Variants in EIF3A observed in about 807,000 individuals in gnomAD.
EIF3A encodes the protein EIF3, p180 subunit.
Under a neutral mutation model 186.6 loss-of-function variants are expected in EIF3A, and 21 were observed. That is an observed-to-expected ratio of 0.11 (90% CI 0.08 to 0.16). The LOEUF (loss-of-function observed/expected upper bound fraction) is 0.16, where lower values mean the gene tolerates loss of function less well. Among genes scored for constraint, EIF3A ranks in the 10% least tolerant of loss-of-function variants. The pLI, the probability that EIF3A is intolerant of heterozygous loss-of-function variation, is 1.00. For missense variants in EIF3A, 1,306 were observed against 1,796.3 expected, an observed-to-expected ratio of 0.73 and a Z score of 4.93; for synonymous variants, 563 against 584.3, an observed-to-expected ratio of 0.96 and a Z score of 0.52.
chr10:119,059,439 C>G, intron 10 of EIF3A, 42 bp from the exon 11 acceptor site: 1 of 1,435,972 alleles, frequency 7.0e-7, no homozygotes, highest in Admixed American at 2.2e-5. Context: ...CACAAGTAAG[C>G]ATGAAGTCAA....
intron 4 of EIF3A, 40 bp downstream of exon 4, chr10:119,072,850 T>C: frequency 1.3e-6 from 2 of 1,575,416 alleles, no homozygotes; most frequent in Non-Finnish European, 8.6e-7. Flanking sequence ...CCTCAGTCAA[T>C]TTCAAAGCAC....
At chr10:119,070,429 G>A (rs1193577238) in intron 5 of EIF3A, among the ~76,000 whole-genome samples, 2 of 152,074 alleles carry the variant, frequency 1.3e-5, no homozygotes, top group Non-Finnish European at 2.9e-5. Context: ...ACCTCTTACC[G>A]AAGAATATAA....
At chr10:119,053,702 A>C (rs1245101353) in intron 14 of EIF3A, among the ~76,000 whole-genome samples, 1 of 152,190 alleles carries the variant, frequency 6.6e-6, no homozygotes, top group Non-Finnish European at 1.5e-5. Flanking sequence ...CCTGGGTGAT[A>C]GAGTGAGACC....
In EIF3A at chr10:119,042,644, C is replaced by A. The variant is rs558278066; in HGVS notation, c.2876G>T (p.Arg959Leu). The change falls in exon 19 of 22, where the codon CGG (arginine) becomes CTG (leucine). Residue 959 changes from arginine to leucine, a missense_variant. By Grantham distance (102) the Arg-to-Leu change is moderately radical. This residue lies in a region of EIF3A where 410 missense variants were observed against 473.5 expected (regional missense o/e 0.87). Transcript: ENST00000369144. The surrounding 1 kb of genome is among the most constrained non-coding windows in gnomAD (Gnocchi z 7.8). ...SLRPDDDRVPRRGMDDDRGPR... is the reference protein window; with the variant it reads ...SLRPDDDRVPLRGMDDDRGPR... ...GCCTCTGTCATCATCCATGCCACGC[C>A]GGGGAACCCGATCATCGTCTGGTCT... 1 of 1,614,202 alleles carries A rather than the reference C, an allele frequency of 6.2e-7. No individual in the cohort carries two copies. Among genetic ancestry groups the A allele is most frequent in the Non-Finnish European group, 8.5e-7 (1 of 1,180,032 alleles).
intron 5 of EIF3A, among the ~76,000 whole-genome samples, chr10:119,070,355 T>G (rs1367804640): frequency 4.6e-5 from 7 of 152,198 alleles, no homozygotes; most frequent in African/African-American, 1.7e-4. Flanking sequence ...AAATCTAGAA[T>G]AATCTACAGC....
rs540973168 is a variant in EIF3A at position 119,060,389 on chromosome 10, T to G, written c.1326+357A>C. Among the ~76,000 whole-genome samples the G allele has an allele frequency of 2.6e-5, 4 of 152,042 alleles. No homozygotes were observed. In the South Asian group the frequency reaches 8.3e-4, roughly 32 times the overall value. ...ATAGAAGTATGCAAAGATACATGTA[T>G]GAAAGATGCTCAATGCTACAAGATT... On this transcript the variant is annotated intron_variant, in intron 9 of 21. Transcript: ENST00000369144.
chr10:119,044,942 C>T (rs1038525591), intron 17 of EIF3A, among the ~76,000 whole-genome samples: 4 of 140,520 alleles, frequency 2.8e-5, no homozygotes, highest in African/African-American at 1.1e-4. Flanking sequence ...ATTTTCTTTT[C>T]TTTTTTTTTT....
chr10:119,038,602 C>T (rs1848167444), intron 19 of EIF3A, among the ~76,000 whole-genome samples, 163 bp from the exon 20 acceptor site: 1 of 152,174 alleles, frequency 6.6e-6, no homozygotes, highest in African/African-American at 2.4e-5. Context: ...GCACAGACAT[C>T]ATTAACAGTA....
At chr10:119,051,393 T>C in intron 14 of EIF3A, 72 bp from the exon 15 acceptor site, 1 of 1,427,386 alleles carries the variant, frequency 7.0e-7, no homozygotes, top group Non-Finnish European at 9.3e-7. Context: ...TACTGAGAAA[T>C]ACTCTTGAAA....
In EIF3A at chr10:119,050,298, A is replaced by T. The variant is rs116421711; in HGVS notation, c.2473+223T>A. On this transcript the variant is annotated intron_variant, in intron 16 of 21. Coordinates refer to ENST00000369144, the MANE Select transcript of EIF3A (RefSeq NM_003750.4). Reference sequence around the variant, plus strand: ...TGTTAATACACAGAATACGGTGATTAAAAAAAGTATTAATTTCTAGAAGAA... The same window carrying T: ...TGTTAATACACAGAATACGGTGATTTAAAAAAGTATTAATTTCTAGAAGAA... 8.0e-3 allele frequency among the ~76,000 whole-genome samples: 1,217 copies of T among 152,324 alleles called. 12 individuals carry two copies. Among genetic ancestry groups the T allele is most frequent in the African/African-American group, 0.028 (1,146 of 41,566 alleles).
Position 119,068,670 on chromosome 10 carries a change from A to AAAAAT in EIF3A, c.950+771_950+775dup, listed in dbSNP as rs533054514. Among the ~76,000 whole-genome samples, 777 of 151,456 alleles carry AAAAAT rather than the reference A, an allele frequency of 5.1e-3. 7 individuals are homozygous for AAAAAT. The highest frequency in any genetic ancestry group is 0.018 in the African/African-American group (726 of 41,164). On this transcript the variant is annotated intron_variant, in intron 6 of 21. Coordinates refer to ENST00000369144, the MANE Select transcript of EIF3A (RefSeq NM_003750.4). ...TAAGAGCGAAGGCTCTGTCTCAAGA[A>AAAAAT]AAAATAAAATAAAATAAAATACAAG...
At chr10:119,059,420 G>T in intron 10 of EIF3A, 23 bp from the exon 11 acceptor site, 1 of 1,506,730 alleles carries the variant, frequency 6.6e-7, no homozygotes, top group South Asian at 1.3e-5. Context: ...AATTATCAAT[G>T]GTTAAATCCA....
chr10:119,059,649 G>C lies in EIF3A; in HGVS notation c.1396C>G (p.Gln466Glu). ...GCATCTACTATGGCCCGTTCCAGTT[G>C]GAAAGCATCAACAAAAGGAACCAAA... The part of the protein sequence containing the change: ...TSLVPFVDAF[Q>E]LERAIVDAAR... Residue 466 changes from glutamine (Q) to glutamate (E), a missense_variant, in exon 10 of 22, where the codon CAA becomes GAA. This residue lies in a region of EIF3A where 267 missense variants were observed against 367.8 expected (regional missense o/e 0.73). Transcript: ENST00000369144. The C allele has an allele frequency of 1.9e-6, 3 of 1,614,084 alleles. No individual in the cohort carries two copies. The highest frequency in any genetic ancestry group is 2.5e-6 in the Non-Finnish European group (3 of 1,180,008).
At chr10:119,070,007 T>C (rs1446495238) in intron 5 of EIF3A, among the ~76,000 whole-genome samples, 4 of 152,056 alleles carry the variant, frequency 2.6e-5, no homozygotes, top group African/African-American at 9.7e-5. Flanking sequence ...TTCTCTTCTT[T>C]TAACTTATGG....
Position 119,059,463 on chromosome 10 carries a change from A to G in EIF3A, c.1444-66T>C, listed in dbSNP as rs1205183748. The G allele has an allele frequency of 2.3e-6, 3 of 1,323,838 alleles. No homozygotes were observed. In the African/African-American group the frequency reaches 4.4e-5, roughly 19 times the overall value. The allele number at this position is 1,323,838 out of a possible 1,614,324, so 82.0% of individuals were successfully genotyped here. On this transcript the variant is annotated intron_variant, in intron 10 of 21. Transcript: ENST00000369144. ...GCATGAAGTCAAAAAGTAACAGAAGAATGTCATATACAAAAGCTGGAAAAG... is the reference window on the plus strand; with the variant it reads ...GCATGAAGTCAAAAAGTAACAGAAGGATGTCATATACAAAAGCTGGAAAAG...
intron 20 of EIF3A, 178 bp downstream of exon 20, chr10:119,038,060 G>T (rs1589683626): frequency 3.4e-6 from 2 of 580,298 alleles, no homozygotes; most frequent in East Asian, 6.3e-5. Context: ...GGGATTACAG[G>T]CATGCGCCAC....
chr10:119,065,434 C>T lies in EIF3A; in HGVS notation c.1087G>A (p.Ala363Thr). 3.7e-6 allele frequency: 6 copies of T among 1,613,650 alleles called. No homozygotes were observed. Among genetic ancestry groups the T allele is most frequent in the Non-Finnish European group, 5.1e-6 (6 of 1,179,758 alleles). Residue 363 changes from alanine to threonine, a missense_variant, in exon 7 of 22, where the codon GCC becomes ACC. This residue lies in a region of EIF3A where 267 missense variants were observed against 367.8 expected (regional missense o/e 0.73). Transcript: ENST00000369144. Reference protein sequence around the residue: ...RRLATLLGLQAPPTRIGLIND... With the variant: ...RRLATLLGLQTPPTRIGLIND... The stretch of plus-strand genomic sequence containing the variant: ...ATAAGGCCAATTCGTGTCGGTGGGG[C>T]TTGAAGACCTAGTAGTGTTGCAAGG...
intron 1 of EIF3A, among the ~76,000 whole-genome samples, chr10:119,080,107 G>A (rs1844238250): frequency 1.3e-5 from 2 of 152,236 alleles, no homozygotes; most frequent in East Asian, 1.9e-4. Context: ...CACTGAGCGC[G>A]GCTTGGAGAG....
At chr10:119,055,166 C>T (rs1455758561) in intron 14 of EIF3A, among the ~76,000 whole-genome samples, 1 of 152,172 alleles carries the variant, frequency 6.6e-6, no homozygotes, top group East Asian at 1.9e-4. Flanking sequence ...GCCGAGATTG[C>T]GCCACTGCAC....
Sources: allele counts gnomAD v4.1 joint callset (sites outside exome capture counted in the v4.1 genomes callset), GRCh38; gene constraint gnomAD v4.1.1; regional missense constraint gnomAD v4.1.1; non-coding constraint Gnocchi (gnomAD v3.1); transcripts MANE v1.5; gene names NCBI Gene and HGNC (gene_info 2026-07-23, HGNC 2026-07-21).